ATP9A: variants seen among roughly 807,000 people sequenced by gnomAD.
ATP9A encodes the protein probable phospholipid-transporting ATPase IIA.
ATP9A carries 52 observed loss-of-function variants against 144.1 expected under a neutral mutation model. That is an observed-to-expected ratio of 0.36 (90% CI 0.29 to 0.45). The LOEUF is 0.45. Ranked by LOEUF, ATP9A falls within the 20% of genes least tolerant of loss-of-function variation. The pLI is 1.00. For missense variants in ATP9A, 947 were observed against 1,392.7 expected, an observed-to-expected ratio of 0.68 and a Z score of 5.09; for synonymous variants, 582 against 557.4, an observed-to-expected ratio of 1.04 and a Z score of -0.62.
Position 51,608,566 on chromosome 20 carries a change from T to C in ATP9A, c.2697A>G (p.Lys899=), listed in dbSNP as rs755497283. Residue 899 remains lysine (K), a synonymous_variant, in exon 25 of 28, where the codon AAA becomes AAG. Coordinates refer to ENST00000338821, the MANE Select transcript of ATP9A (RefSeq NM_006045.3). ...CAGGATACAGCATGGCAACTTCCGA[T>C]TTGACATCTTTGTCCAGGACCAGAG... ...VFSLVLDKDV[K]SEVAMLYPEL... 1.2e-6 allele frequency: 2 copies of C among 1,613,774 alleles called. No individual in the cohort carries two copies. Among genetic ancestry groups the C allele is most frequent in the South Asian group, 1.1e-5 (1 of 91,068 alleles).
intron 10 of ATP9A, among the ~76,000 whole-genome samples, chr20:51,675,340 T>G (rs2077472581): frequency 1.3e-5 from 2 of 152,122 alleles, no homozygotes; most frequent in Non-Finnish European, 2.9e-5. Context: ...AGACAATTAT[T>G]CTGTAATGTT....
In ATP9A at chr20:51,610,669, C is replaced by CA. The variant is rs199985276; in HGVS notation, c.2572-505_2572-504insT. Among the ~76,000 whole-genome samples the CA allele has an allele frequency of 7.9e-3, 1,204 of 152,138 alleles. 17 individuals carry two copies. The highest frequency in any genetic ancestry group is 0.028 in the African/African-American group (1,145 of 41,486). On this transcript the variant is annotated intron_variant, in intron 23 of 27. Coordinates refer to ENST00000338821, the MANE Select transcript of ATP9A (RefSeq NM_006045.3). ...CCCAGCTGTGGCCACAGCTCTGTGG[C>CA]CACACTTCTAAACAGCTCGGAATCC...
intron 19 of ATP9A, 31 bp from the exon 20 acceptor site, chr20:51,619,074 A>G (rs1206637749): frequency 1.3e-5 from 21 of 1,583,324 alleles, no homozygotes; most frequent in South Asian, 2.2e-5. Flanking sequence ...GGAAGGAGGC[A>G]TTGCTCTCCG....
chr20:51,604,074 C>T (rs769969207), intron 27 of ATP9A, among the ~76,000 whole-genome samples: 23 of 152,124 alleles, frequency 1.5e-4, no homozygotes, highest in Non-Finnish European at 2.5e-4. Context: ...CCATTGTGCC[C>T]GGCCTCCATA....
At position 51,696,077 on chromosome 20, in the gene ATP9A, G is replaced by C. The variant is rs746456194; in HGVS notation, c.547+16C>G. 7 of 1,607,268 alleles carry C rather than the reference G, an allele frequency of 4.4e-6. No individual in the cohort carries two copies. In the Admixed American group the frequency reaches 6.7e-5, roughly 15 times the overall value. ...AAGGTTAATGGTTATTTTCCAAATTGATCTCAGATGTTTACCGTTTTTTTC... is the reference window on the plus strand; with the variant it reads ...AAGGTTAATGGTTATTTTCCAAATTCATCTCAGATGTTTACCGTTTTTTTC... On this transcript the variant is annotated intron_variant, in intron 6 of 27. Transcript: ENST00000338821.
At chr20:51,748,612 G>A (rs1416429329) in intron 1 of ATP9A, among the ~76,000 whole-genome samples, 16 of 152,024 alleles carry the variant, frequency 1.1e-4, no homozygotes, top group South Asian at 4.1e-4. Context: ...ACAAATAGGC[G>A]CTGTCACTGC....
intron 3 of ATP9A, among the ~76,000 whole-genome samples, chr20:51,719,125 C>G (rs1211411182): frequency 6.7e-6 from 1 of 149,886 alleles, no homozygotes; most frequent in Non-Finnish European, 1.5e-5. Context: ...GAGACTCTGT[C>G]TCAAAAAAAA....
intron 13 of ATP9A, among the ~76,000 whole-genome samples, chr20:51,666,926 T>C (rs950002610): frequency 6.6e-6 from 1 of 152,190 alleles, no homozygotes; most frequent in African/African-American, 2.4e-5. Flanking sequence ...AGCTTCCATA[T>C]GTCCCATCAC....
chr20:51,625,814 G>A (rs1271314765), intron 17 of ATP9A, among the ~76,000 whole-genome samples: 2 of 152,214 alleles, frequency 1.3e-5, no homozygotes, highest in Admixed American at 6.5e-5. Flanking sequence ...CCAAACTGCC[G>A]CTTCTTCTCT....
At chr20:51,672,753 T>C (rs919228648) in intron 11 of ATP9A, among the ~76,000 whole-genome samples, 2 of 152,140 alleles carry the variant, frequency 1.3e-5, no homozygotes, top group East Asian at 3.8e-4. Context: ...CTAATTATCA[T>C]GGGGAAAAAG....
At chr20:51,748,112 T>A (rs1035255925) in intron 1 of ATP9A, among the ~76,000 whole-genome samples, 2 of 152,122 alleles carry the variant, frequency 1.3e-5, no homozygotes, top group African/African-American at 2.4e-5. Context: ...AGACCAGGAC[T>A]GGCAAACTCA....
At chr20:51,629,104 T>C (rs759301991) in intron 15 of ATP9A, 32 bp from the exon 16 acceptor site, 3 of 1,558,130 alleles carry the variant, frequency 1.9e-6, no homozygotes, top group Admixed American at 3.3e-5. Context: ...AATGAGAAAC[T>C]GAAAGGAACA....
chr20:51,684,063 T>C (rs1458303898), intron 9 of ATP9A, among the ~76,000 whole-genome samples: 1 of 152,118 alleles, frequency 6.6e-6, no homozygotes, highest in East Asian at 1.9e-4. Flanking sequence ...GGTGCGCCTA[T>C]AGTCGCAGCT....
intron 26 of ATP9A, among the ~76,000 whole-genome samples, chr20:51,605,740 C>G (rs1023798136): frequency 8.6e-5 from 13 of 151,972 alleles, no homozygotes; most frequent in Non-Finnish European, 1.5e-4. Context: ...TGGCGAAACC[C>G]TGTCTCTACT....
intron 1 of ATP9A, among the ~76,000 whole-genome samples, chr20:51,731,810 C>T (rs941573694): frequency 6.6e-6 from 1 of 152,142 alleles, no homozygotes; most frequent in African/African-American, 2.4e-5. Flanking sequence ...ACTGTGTCAG[C>T]CTTATTCCAA....
Position 51,601,083 on chromosome 20 carries a change from T to C in ATP9A, c.*128A>G, listed in dbSNP as rs1275025828. On this transcript the variant is annotated 3_prime_UTR_variant, in exon 28 of 28. Transcript: ENST00000338821. ...GGACTCCGTTTAGGCGCAGAGCCACTTCCCATTAAAACTGCATGTGTTAGC... is the reference window on the plus strand; with the variant it reads ...GGACTCCGTTTAGGCGCAGAGCCACCTCCCATTAAAACTGCATGTGTTAGC... The C allele has an allele frequency of 4.1e-6, 5 of 1,212,090 alleles. No homozygotes were observed. Among genetic ancestry groups the C allele is most frequent in the South Asian group, 3.5e-5 (2 of 56,666 alleles). The allele number at this position is 1,212,090 out of a possible 1,614,324, so 75.1% of individuals were successfully genotyped here.
chr20:51,675,754 C>T (rs1362165531), intron 10 of ATP9A, among the ~76,000 whole-genome samples: 2 of 151,926 alleles, frequency 1.3e-5, no homozygotes, highest in Non-Finnish European at 2.9e-5. Flanking sequence ...GTGGTACACG[C>T]CTATAGTCCC....
intron 2 of ATP9A, among the ~76,000 whole-genome samples, chr20:51,727,758 T>C (rs62226735): frequency 0.068 from 10,262 of 151,524 alleles, 793 homozygotes; most frequent in African/African-American, 0.19. Flanking sequence ...GATGAAACCC[T>C]GTCTCTACTA....
intron 1 of ATP9A, among the ~76,000 whole-genome samples, chr20:51,741,275 G>A (rs574018507): frequency 2.0e-5 from 3 of 152,190 alleles, no homozygotes; most frequent in South Asian, 2.1e-4. Flanking sequence ...AAGCACACAC[G>A]AACATTAGTA....
Sources: allele counts gnomAD v4.1 joint callset (sites outside exome capture counted in the v4.1 genomes callset), GRCh38; gene constraint gnomAD v4.1.1; transcripts MANE v1.5; gene names NCBI Gene and HGNC (gene_info 2026-07-23, HGNC 2026-07-21).